RLIG1: variants seen among roughly 807,000 people sequenced by gnomAD.
The protein encoded by RLIG1 is RNA ligase 1.
At chr12:88,045,805 G>T in the RLIG1 span, 1 of 1,576,638 alleles carries the variant, frequency 6.3e-7, no homozygotes, top group Non-Finnish European at 8.7e-7. Context: ...TTCTTGTTCA[G>T]TTATTGTAAC....
At chr12:88,037,475 A>G in the RLIG1 span, among the ~76,000 whole-genome samples, 1 of 152,170 alleles carries the variant, frequency 6.6e-6, no homozygotes, top group African/African-American at 2.4e-5. Flanking sequence ...GAATGTTTAT[A>G]CTCATCAGGA....
the RLIG1 span, chr12:88,035,754 G>C: frequency 5.1e-6 from 8 of 1,577,556 alleles, no homozygotes; most frequent in Non-Finnish European, 6.9e-6. Context: ...GAGGAGCGCC[G>C]GGCAGGCTTG....
At chr12:88,042,816 C>T in the RLIG1 span, 6 of 1,471,940 alleles carry the variant, frequency 4.1e-6, no homozygotes, top group African/African-American at 1.5e-5. Flanking sequence ...TTTGTTATTA[C>T]TTTTTTAGAT....
At chr12:88,041,170 G>A in the RLIG1 span, among the ~76,000 whole-genome samples, 7 of 152,070 alleles carry the variant, frequency 4.6e-5, no homozygotes, top group Non-Finnish European at 7.4e-5. Flanking sequence ...ACTACTCTAG[G>A]TATTTCATAT....
chr12:88,047,476 C>T, the RLIG1 span, among the ~76,000 whole-genome samples: 1 of 152,092 alleles, frequency 6.6e-6, no homozygotes, highest in Non-Finnish European at 1.5e-5. Flanking sequence ...CCACATAATT[C>T]ACTGAAGTAA....
chr12:88,040,328 T>C, the RLIG1 span: 2 of 975,886 alleles, frequency 2.0e-6, no homozygotes, highest in East Asian at 5.6e-5. Context: ...CTTTACAGTC[T>C]ATCTGAAATG....
At chr12:88,040,004 A>G in the RLIG1 span, 4 of 632,228 alleles carry the variant, frequency 6.3e-6, no homozygotes, top group South Asian at 3.5e-5. Flanking sequence ...ACTTCACAGA[A>G]TAAATATTTT....
chr12:88,042,808 T>A, the RLIG1 span: 2 of 1,465,236 alleles, frequency 1.4e-6, no homozygotes, highest in Non-Finnish European at 1.8e-6. Context: ...CTTTTCCTTT[T>A]GTTATTACTT....
the RLIG1 span, among the ~76,000 whole-genome samples, chr12:88,039,253 G>A: frequency 1.2e-4 from 18 of 152,106 alleles, no homozygotes; most frequent in African/African-American, 4.3e-4. Context: ...TGTGACCTGA[G>A]ACAGGAGTAC....
the RLIG1 span, chr12:88,049,104 C>G: frequency 2.6e-6 from 2 of 775,034 alleles, no homozygotes; most frequent in Non-Finnish European, 4.2e-6. Flanking sequence ...TACTACAGTT[C>G]GGAGAACTGC....
chr12:88,045,799 TGTTCA>T, the RLIG1 span: 5 of 1,589,710 alleles, frequency 3.1e-6, no homozygotes, highest in Non-Finnish European at 4.3e-6. Flanking sequence ...GACTTTTTCT[TGTTCA>T]GTTATTGTAA....
At chr12:88,044,467 A>G in the RLIG1 span, 3 of 152,194 alleles carry the variant, frequency 2.0e-5, no homozygotes, top group Non-Finnish European at 4.4e-5. Context: ...TTGAGTGCCC[A>G]TTATGTGCAA....
the RLIG1 span, chr12:88,049,653 T>G: frequency 2.9e-6 from 1 of 340,332 alleles, no homozygotes; most frequent in Non-Finnish European, 5.3e-6. Flanking sequence ...TGACTAAAAT[T>G]TATCATCTCT....
At chr12:88,040,535 T>C in the RLIG1 span, among the ~76,000 whole-genome samples, 1 of 152,144 alleles carries the variant, frequency 6.6e-6, no homozygotes, top group Non-Finnish European at 1.5e-5. Context: ...TTTGTACAAG[T>C]AGCCTCTCCA....
At chr12:88,045,898 T>G in the RLIG1 span, 1 of 741,114 alleles carries the variant, frequency 1.3e-6, no homozygotes, top group South Asian at 1.9e-5. Flanking sequence ...TGAGTTAGTT[T>G]CCTAGGATTA....
chr12:88,050,099 TAAG>T, the RLIG1 span: 1 of 291,154 alleles, frequency 3.4e-6, no homozygotes, highest in Non-Finnish European at 6.3e-6. Flanking sequence ...ACCCAAAACT[TAAG>T]AACATACTAA....
At chr12:88,035,810 C>G in the RLIG1 span, 78 of 1,546,474 alleles carry the variant, frequency 5.0e-5, no homozygotes, top group Non-Finnish European at 6.0e-5. Flanking sequence ...CAGTGCGAAC[C>G]CGGCGAGGGC....
At chr12:88,044,271 C>CA in the RLIG1 span, 1 of 152,326 alleles carries the variant, frequency 6.6e-6, no homozygotes, top group Non-Finnish European at 1.5e-5. Flanking sequence ...GACCTTGTCT[C>CA]AAAAAAACAA....
At chr12:88,048,317 G>A in the RLIG1 span, 1 of 1,605,978 alleles carries the variant, frequency 6.2e-7, no homozygotes, top group Non-Finnish European at 8.5e-7. Context: ...ACATGAACCT[G>A]AACAAATGTG....
Sources: gnomAD v4.1 joint callset for allele counts (sites outside exome capture counted in the v4.1 genomes callset) on GRCh38, gnomAD v4.1.1 for gene constraint, MANE v1.5 for transcripts, NCBI Gene and HGNC (gene_info 2026-07-23, HGNC 2026-07-21) for gene names.